POLR1C: variants seen among roughly 807,000 people sequenced by gnomAD.
POLR1C encodes RNA polymerase I and III subunit C, also known as DNA-directed RNA polymerases I and III subunit RPAC1.
In POLR1C, 42 loss-of-function variants were observed where a neutral mutation model predicts 38.3. That is an observed-to-expected ratio of 1.10 (90% confidence interval 0.86 to 1.42). The LOEUF (loss-of-function observed/expected upper bound fraction) is 1.42, where lower values mean the gene tolerates loss of function less well. POLR1C is among the 40% of genes most tolerant of loss of function. The pLI, the probability that POLR1C is intolerant of heterozygous loss-of-function variation, is 0.00. For synonymous variants in POLR1C, 163 were observed against 163.9 expected, an observed-to-expected ratio of 0.99 and a Z score of 0.04; for missense variants, 507 against 450.5, an observed-to-expected ratio of 1.13 and a Z score of -1.14.
chr6:43,520,888 C>T, intron 7 of POLR1C, 44 bp from the exon 8 acceptor site: 1 of 1,605,148 alleles, frequency 6.2e-7, no homozygotes, highest in South Asian at 1.1e-5. Flanking sequence ...TACCAAGTGG[C>T]AAATTAGAAA....
chr6:43,551,463 A>C (rs778640479), intron 10 of POLR1C: 1 of 1,610,918 alleles, frequency 6.2e-7, no homozygotes, highest in Non-Finnish European at 8.5e-7. Context: ...CCTGTAACAA[A>C]GACATAAAAC....
chr6:43,526,566 T>C (rs1582193603), intron 8 of POLR1C: 9 of 1,136,824 alleles, frequency 7.9e-6, no homozygotes, highest in South Asian at 5.4e-5. Flanking sequence ...GGTCCAGAGA[T>C]GATAACTACA....
downstream of POLR1C, chr6:43,525,319 C>T (rs1004943943): frequency 1.1e-5 from 12 of 1,091,994 alleles, no homozygotes; most frequent in Admixed American, 1.2e-4. Context: ...TCCTCCCCCC[C>T]TCTAAAGATG....
intron 9 of POLR1C, chr6:43,547,716 T>G: frequency 6.2e-7 from 1 of 1,613,228 alleles, no homozygotes; most frequent in Middle Eastern, 1.6e-4. Context: ...CTCTGAAGGT[T>G]GGAGGGGGAA....
intron 8 of POLR1C, chr6:43,527,009 T>C (rs374759589): frequency 4.3e-6 from 2 of 464,304 alleles, no homozygotes; most frequent in African/African-American, 3.9e-5. Context: ...GGATGCTTGA[T>C]ACATCCCTGG....
intron 9 of POLR1C, among the ~76,000 whole-genome samples, chr6:43,538,111 A>T (rs901359247): frequency 7.0e-6 from 1 of 142,196 alleles, no homozygotes. Flanking sequence ...AAGGCAAGGA[A>T]CTTATAAATT....
intron 10 of POLR1C, chr6:43,556,157 T>G: frequency 3.1e-6 from 2 of 655,410 alleles, no homozygotes; most frequent in Non-Finnish European, 4.8e-6. Flanking sequence ...ATAAATGATC[T>G]CTGGAAACTG....
At chr6:43,534,464 A>C (rs895750016), downstream of POLR1C, among the ~76,000 whole-genome samples, 4 of 152,168 alleles carry the variant, frequency 2.6e-5, no homozygotes, top group African/African-American at 9.7e-5. Context: ...TTTGGACCTG[A>C]TAGAGGAACA....
At chr6:43,526,685 C>A in intron 8 of POLR1C, 1 of 1,613,846 alleles carries the variant, frequency 6.2e-7, no homozygotes, top group Non-Finnish European at 8.5e-7. Context: ...GCTCACTTAC[C>A]GTCTCCATCT....
At chr6:43,529,377 C>CT (rs1429999652) in exon 9 of POLR1C, 1 of 108,328 alleles carries the variant, frequency 9.2e-6, no homozygotes, top group South Asian at 1.2e-4. Flanking sequence ...CCCGTCTCTA[C>CT]TAAAAAAAAA....
chr6:43,530,349 G>A (rs574727484), downstream of POLR1C, among the ~76,000 whole-genome samples: 1 of 151,374 alleles, frequency 6.6e-6, no homozygotes, highest in East Asian at 1.9e-4. Flanking sequence ...GCTTGAACCT[G>A]AGAGGCAGAA....
chr6:43,524,522 A>C (rs1165450859), downstream of POLR1C: 8 of 1,613,940 alleles, frequency 5.0e-6, no homozygotes, highest in Non-Finnish European at 6.8e-6. Context: ...GGCGCTTGTC[A>C]GCCACTTTCT....
chr6:43,548,178 C>A, intron 9 of POLR1C: 6 of 1,380,262 alleles, frequency 4.3e-6, no homozygotes, highest in Non-Finnish European at 5.9e-6. Flanking sequence ...ATATCCTTAA[C>A]CCCTACCCCA....
Position 43,538,751 on chromosome 6 carries a change from T to C in POLR1C, c.*4+9392T>C, listed in dbSNP as rs943883877. The C allele has an allele frequency of 8.8e-5, 50 of 567,090 alleles. No homozygotes were observed. The African/African-American group carries it at 9.0e-4, about 10-fold the overall frequency. 35.1% of individuals were successfully genotyped at this position (567,090 alleles called of 1,614,324 possible). A position where few individuals can be genotyped will look rare whatever the true frequency, so the allele number is the denominator to read the frequency against. ...AAATAAATAAGCCTCATAAAATGAG[T>C]TATGGAGCACTACATTTTTCTTTTT... is the stretch of plus-strand genomic sequence containing the variant. On this transcript the variant is annotated intron_variant, in intron 9 of 10. Transcript: ENST00000607635.
At chr6:43,559,291 C>T (rs955409986) in intron 10 of POLR1C, among the ~76,000 whole-genome samples, 9 of 151,890 alleles carry the variant, frequency 5.9e-5, no homozygotes, top group South Asian at 2.1e-4. Flanking sequence ...GGTGAGACTC[C>T]GTCTCAAAAA....
chr6:43,530,727 A>G (rs924200278), downstream of POLR1C: 30 of 1,613,988 alleles, frequency 1.9e-5, no homozygotes, highest in South Asian at 3.3e-5. Context: ...ATATTGTTCA[A>G]GTTGACAAAG....
chr6:43,562,254 G>C (rs755890536), exon 11 of POLR1C: 1 of 1,605,208 alleles, frequency 6.2e-7, no homozygotes, highest in Non-Finnish European at 8.5e-7. Context: ...CACCAGCAAT[G>C]CACACAGCTG....
At chr6:43,531,644 A>G, downstream of POLR1C, 1 of 1,347,934 alleles carries the variant, frequency 7.4e-7, no homozygotes. Context: ...AACACTCTAC[A>G]GCAGGAAGCT....
At chr6:43,522,620 C>T, downstream of POLR1C, 1 of 399,454 alleles carries the variant, frequency 2.5e-6, no homozygotes. Flanking sequence ...ACTTCTGCTT[C>T]CCCAGCTTTG....
Sources: gnomAD v4.1 joint callset for allele counts (sites outside exome capture counted in the v4.1 genomes callset) on GRCh38, gnomAD v4.1.1 for gene constraint, MANE v1.5 for transcripts, NCBI Gene and HGNC (gene_info 2026-07-23, HGNC 2026-07-21) for gene names.